CALN1: variants seen among roughly 807,000 people sequenced by gnomAD.
The protein encoded by CALN1 is calcium-binding protein 8.
Under a neutral mutation model 30.6 loss-of-function variants are expected in CALN1, and 17 were observed. The ratio of observed to expected loss-of-function variants is 0.56; its 90% CI spans 0.38 to 0.83. The LOEUF (loss-of-function observed/expected upper bound fraction) is 0.83. Among genes scored for constraint, CALN1 ranks in the 40% least tolerant of loss-of-function variants. The pLI is 0.00. For synonymous variants in CALN1, 156 were observed against 131.4 expected, an observed-to-expected ratio of 1.19 and a Z score of -1.28; for missense variants, 291 against 354.9, an observed-to-expected ratio of 0.82 and a Z score of 1.45.
chr7:72,397,714 T>TCTCACACACACACA lies in CALN1; in HGVS notation c.119+5536_119+5537insTGTGTGTGTGTGAG, dbSNP rs142607076. Reference sequence around the variant, plus strand: ...GATCTTGGAGAGCACCCATTCTCTCTCACACACACACACACACACACACAC... The same window carrying TCTCACACACACACA: ...GATCTTGGAGAGCACCCATTCTCTCTCTCACACACACACACACACACACACACACACACACACAC... On this transcript the variant is annotated intron_variant, in intron 2 of 6. Transcript: ENST00000395275. 5.4e-3 allele frequency among the ~76,000 whole-genome samples: 766 copies of TCTCACACACACACA among 142,886 alleles called. 8 individuals are homozygous for TCTCACACACACACA. The highest frequency in any genetic ancestry group is 0.014 in the Middle Eastern group (4 of 280). 93.7% of individuals were successfully genotyped at this position (142,886 alleles called of 152,430 possible).
intron 1 of CALN1, among the ~76,000 whole-genome samples, chr7:72,429,405 T>C (rs555178725): frequency 3.3e-5 from 5 of 152,270 alleles, no homozygotes; most frequent in Admixed American, 1.3e-4. Context: ...TGTGGCGTAA[T>C]GTGGGATTTT....
At chr7:72,493,554 G>T in the CALN1 span, among the ~76,000 whole-genome samples, 9 of 152,068 alleles carry the variant, frequency 5.9e-5, no homozygotes, top group Admixed American at 1.3e-4. Context: ...GGCCAAGCTG[G>T]TCTCGAAATC....
chr7:72,457,757 C>CT, the CALN1 span, among the ~76,000 whole-genome samples: 29,851 of 135,676 alleles, frequency 0.22, 4,019 homozygotes, highest in African/African-American at 0.35. Flanking sequence ...CCTTCTTATT[C>CT]TTTTTTTTTT....
At chr7:72,207,205 A>G (rs1791954142) in intron 3 of CALN1, among the ~76,000 whole-genome samples, 1 of 152,114 alleles carries the variant, frequency 6.6e-6, no homozygotes. Context: ...TCCCCGATTC[A>G]CTAGGCTCCA....
chr7:72,501,948 T>TACAC, the CALN1 span, among the ~76,000 whole-genome samples: 940 of 72,148 alleles, frequency 0.013, 79 homozygotes, highest in South Asian at 0.024. Context: ...TATATATATA[T>TACAC]ACACACATAT....
chr7:72,205,542 CAAA>C (rs375314989), intron 3 of CALN1, among the ~76,000 whole-genome samples: 1 of 53,130 alleles, frequency 1.9e-5, no homozygotes, highest in South Asian at 1.1e-3. Context: ...CTCCTGATTG[CAAA>C]AAAAAAATAT....
chr7:72,034,345 C>T lies in CALN1; in HGVS notation c.389-10576G>A, dbSNP rs113050999. ...CTCCAGCCTGGGTGACAGAGCAAGA[C>T]TCTGTCTCAAAAAAAAAAAAAAAAA... On this transcript the variant is annotated intron_variant, in intron 4 of 6. Transcript: ENST00000395275. 7.0e-3 allele frequency among the ~76,000 whole-genome samples: 894 copies of T among 127,102 alleles called. 13 individuals are homozygous for T. Among genetic ancestry groups the T allele is most frequent in the African/African-American group, 0.022 (756 of 34,774 alleles). 83.4% of individuals were successfully genotyped at this position (127,102 alleles called of 152,430 possible).
intron 4 of CALN1, among the ~76,000 whole-genome samples, chr7:72,098,760 G>GGGCACACA (rs1806414712): frequency 9.9e-6 from 1 of 101,330 alleles, no homozygotes; most frequent in Non-Finnish European, 2.1e-5. Context: ...AGCCCATTTG[G>GGGCACACA]CGCGCACACA....
At chr7:72,045,558 T>C (rs771950365) in intron 4 of CALN1, among the ~76,000 whole-genome samples, 1 of 152,176 alleles carries the variant, frequency 6.6e-6, no homozygotes, top group Non-Finnish European at 1.5e-5. Flanking sequence ...AGACAGGGTC[T>C]CTTTCTGTTG....
chr7:72,453,993 A>AT, the CALN1 span, among the ~76,000 whole-genome samples: 216 of 148,202 alleles, frequency 1.5e-3, 2 homozygotes, highest in African/African-American at 2.0e-3. Context: ...ACAACCAAAA[A>AT]ATATATATAT....
chr7:72,365,116 C>A (rs373747187), intron 2 of CALN1, among the ~76,000 whole-genome samples: 1 of 152,122 alleles, frequency 6.6e-6, no homozygotes, highest in Non-Finnish European at 1.5e-5. Flanking sequence ...ATCAGCCTGG[C>A]CAGCATGGTG....
intron 3 of CALN1, among the ~76,000 whole-genome samples, chr7:72,224,276 T>C (rs1330772069): frequency 6.6e-6 from 1 of 151,946 alleles, no homozygotes; most frequent in Non-Finnish European, 1.5e-5. Context: ...GGAGGTAAAA[T>C]GCAAAGGAAA....
At chr7:72,457,312 C>G in the CALN1 span, among the ~76,000 whole-genome samples, 1 of 152,170 alleles carries the variant, frequency 6.6e-6, no homozygotes, top group Admixed American at 6.5e-5. Context: ...GAATAAAAAT[C>G]AAACTCCACA....
intron 5 of CALN1, among the ~76,000 whole-genome samples, chr7:72,022,454 G>T (rs1800758347): frequency 6.6e-6 from 1 of 152,210 alleles, no homozygotes; most frequent in South Asian, 2.1e-4. Flanking sequence ...GTGCAGTGGT[G>T]TGATCATAGC....
chr7:72,224,779 A>G (rs1208253985), intron 3 of CALN1, among the ~76,000 whole-genome samples: 2 of 149,766 alleles, frequency 1.3e-5, no homozygotes, highest in East Asian at 4.0e-4. Flanking sequence ...AGACCCTGTC[A>G]AAAAATTAAA....
intron 2 of CALN1, chr7:72,336,998 C>A: frequency 1.0e-6 from 1 of 985,564 alleles, no homozygotes; most frequent in Non-Finnish European, 1.2e-6. Context: ...TCCTTGTCCT[C>A]TGCTCTCGTC....
chr7:72,072,010 G>A (rs1804428919), intron 4 of CALN1, among the ~76,000 whole-genome samples: 2 of 152,156 alleles, frequency 1.3e-5, no homozygotes, highest in South Asian at 4.1e-4. Context: ...CTGAAGAAAA[G>A]CAAACAGAAC....
Position 72,023,642 on chromosome 7 carries a change from A to G in CALN1, c.501+15T>C. 3.1e-6 allele frequency: 5 copies of G among 1,602,838 alleles called. No homozygotes were observed. Among genetic ancestry groups the G allele is most frequent in the Non-Finnish European group, 3.4e-6 (4 of 1,170,866 alleles). ...TACTGTCAAACTTAGTCTGAAAAAA[A>G]ATATTCTTACTCACCTGCCAGAATA... On this transcript the variant is annotated intron_variant, in intron 5 of 6. Transcript: ENST00000395275.
At chr7:72,304,009 T>C (rs1050021323) in intron 2 of CALN1, among the ~76,000 whole-genome samples, 4 of 152,198 alleles carry the variant, frequency 2.6e-5, no homozygotes, top group African/African-American at 9.6e-5. Flanking sequence ...ATCATGGAAA[T>C]TTCAGATAGA....
Sources: allele counts gnomAD v4.1 joint callset (sites outside exome capture counted in the v4.1 genomes callset), GRCh38; gene constraint gnomAD v4.1.1; transcripts MANE v1.5; gene names NCBI Gene and HGNC (gene_info 2026-07-23, HGNC 2026-07-21).